ZNF112: variants seen among roughly 807,000 people sequenced by gnomAD.
ZNF112 encodes the protein zinc finger protein 112 (Y14).
Under a neutral mutation model 77.7 loss-of-function variants are expected in ZNF112, and 37 were observed. That is an observed-to-expected ratio of 0.48 (90% CI 0.37 to 0.63). ZNF112 has a LOEUF of 0.63. ZNF112 is among the 20% of genes least tolerant of loss of function. The probability of loss-of-function intolerance (pLI) is 0.00; values close to 1 mark genes in which losing one functional copy is unlikely to be tolerated. For missense variants in ZNF112, 950 were observed against 1,077.4 expected (o/e 0.88, Z 1.66); for synonymous variants, 333 against 363.6 (o/e 0.92, Z 0.96).
rs963314080 is a variant in ZNF112, at chr19:44,340,618, G to C, written c.-3-76C>G. Reference sequence around the variant, plus strand: ...GAGAAGGTGTAAAGGACTGGAAGCTGTTCTGGAGTCTGGGCAACTTGAGTC... The same window carrying C: ...GAGAAGGTGTAAAGGACTGGAAGCTCTTCTGGAGTCTGGGCAACTTGAGTC... On this transcript the variant is annotated intron_variant, in intron 1 of 3. Transcript: ENST00000354340. The C allele has an allele frequency of 3.1e-6, 5 of 1,602,612 alleles. No homozygotes were observed. The African/African-American group carries it at 5.4e-5, about 17-fold the overall frequency.
chr19:44,353,753 T>C (rs987384325), intron 1 of ZNF112, among the ~76,000 whole-genome samples: 4 of 152,258 alleles, frequency 2.6e-5, no homozygotes, highest in South Asian at 2.1e-4. Flanking sequence ...CTGATGAAGA[T>C]GTAAATAAAC....
At chr19:44,337,382 A>ATGTG (rs1474354095) in intron 2 of ZNF112, among the ~76,000 whole-genome samples, 39 of 54,474 alleles carry the variant, frequency 7.2e-4, no homozygotes, top group African/African-American at 3.6e-3. Flanking sequence ...TATTTTATAT[A>ATGTG]TAATAATATA....
chr19:44,337,818 T>C (rs28588242), intron 2 of ZNF112, among the ~76,000 whole-genome samples: 2,324 of 134,090 alleles, frequency 0.017, 66 homozygotes, highest in African/African-American at 0.063. Flanking sequence ...TGTGTGTATA[T>C]GTGTATGTAT....
chr19:44,338,593 C>A (rs1282225457), intron 2 of ZNF112, among the ~76,000 whole-genome samples: 1 of 152,122 alleles, frequency 6.6e-6, no homozygotes, highest in Non-Finnish European at 1.5e-5. Context: ...TTTGTGGAAT[C>A]ATTAGGAATG....
intron 2 of ZNF112, among the ~76,000 whole-genome samples, chr19:44,338,417 G>T (rs949445481): frequency 5.3e-5 from 8 of 152,150 alleles, no homozygotes; most frequent in Non-Finnish European, 8.8e-5. Flanking sequence ...GGGGAAAAAA[G>T]CAGTAATTAT....
chr19:44,329,348 T>G lies in ZNF112; in HGVS notation c.809A>C (p.His270Pro), dbSNP rs150598457. 1.5e-5 allele frequency: 25 copies of G among 1,613,736 alleles called. No individual in the cohort carries two copies. In the African/African-American group the frequency reaches 3.2e-4, roughly 21 times the overall value. Residue 270 changes from histidine to proline, a missense_variant, in exon 4 of 4, where the codon CAT (histidine) becomes CCT (proline). By Grantham distance (77) the His-to-Pro change is moderately conservative. Transcript: ENST00000354340. ...CTTCCCTTCCAAGTGGAACTGCTGA[T>G]GAACCTCAGAGCTGGAGTCATTACT... ...AFSNDSSSEVHQQFHLEGKPY... is the reference protein window; with the variant it reads ...AFSNDSSSEVPQQFHLEGKPY...
intron 3 of ZNF112, among the ~76,000 whole-genome samples, chr19:44,331,539 T>C (rs1970270525): frequency 6.6e-6 from 1 of 152,190 alleles, no homozygotes. Flanking sequence ...TAGAAGTAGA[T>C]TAAGTCTCTA....
chr19:44,363,789 T>G (rs544436412), intron 1 of ZNF112, among the ~76,000 whole-genome samples: 2 of 152,366 alleles, frequency 1.3e-5, no homozygotes, highest in Non-Finnish European at 1.5e-5. Flanking sequence ...TGATTAGAAT[T>G]GCTTGATGTG....
chr19:44,347,485 ATTTT>A (rs757226424), intron 1 of ZNF112, among the ~76,000 whole-genome samples: 2 of 40,320 alleles, frequency 5.0e-5, no homozygotes, highest in Non-Finnish European at 1.2e-4. Flanking sequence ...TTTTGGGTTG[ATTTT>A]TTTTTTTTTT....
At chr19:44,338,370 T>C (rs1970427210) in intron 2 of ZNF112, among the ~76,000 whole-genome samples, 1 of 152,170 alleles carries the variant, frequency 6.6e-6, no homozygotes, top group African/African-American at 2.4e-5. Flanking sequence ...GTGCTTAATC[T>C]ACAGGAAAAT....
In ZNF112 at chr19:44,329,362, G is replaced by A. The variant is rs757951111; in HGVS notation, c.795C>T (p.Ser265=). ...TGYRKAFSND[S]SSEVHQQFHL... ...GGAACTGCTGATGAACCTCAGAGCT[G>A]GAGTCATTACTGAAGGCTTTTCTAT... is the stretch of plus-strand genomic sequence containing the variant. The change falls in exon 4 of 4, where the codon TCC becomes TCT. Residue 265 remains serine (S), a synonymous_variant. Transcript: ENST00000354340. 1.1e-5 allele frequency: 18 copies of A among 1,613,670 alleles called. No homozygotes were observed. Among genetic ancestry groups the A allele is most frequent in the Non-Finnish European group, 1.4e-5 (17 of 1,179,796 alleles).
rs1970413091 is a variant in ZNF112 at position 44,337,841 on chromosome 19, ACACACACACACAC to A, written c.125-1136_125-1124del. Among the ~76,000 whole-genome samples, 17 of 135,500 alleles carry A rather than the reference ACACACACACACAC, an allele frequency of 1.3e-4. 1 individual carries two copies. In the South Asian group the frequency reaches 2.1e-3, roughly 17 times the overall value. 88.9% of individuals were successfully genotyped at this position (135,500 alleles called of 152,430 possible). ...TATGTGTATGTATATACATACACATACACACACACACACACACACACACACACACACACACACC... is the reference window on the plus strand; with the variant it reads ...TATGTGTATGTATATACATACACATAACACACACACACACACACACACACC... On this transcript the variant is annotated intron_variant, in intron 2 of 3. Transcript: ENST00000354340.
At chr19:44,350,083 T>G (rs943758934) in intron 1 of ZNF112, among the ~76,000 whole-genome samples, 2 of 152,064 alleles carry the variant, frequency 1.3e-5, no homozygotes, top group Admixed American at 6.6e-5. Context: ...GGCAGTACAA[T>G]CTGCTAAGAA....
In ZNF112 at chr19:44,338,735, G is replaced by T. The variant is rs543835344; in HGVS notation, c.124+1681C>A. On this transcript the variant is annotated intron_variant, in intron 2 of 3. Coordinates refer to ENST00000354340, the MANE Select transcript of ZNF112 (RefSeq NM_013380.4). The stretch of plus-strand genomic sequence containing the variant: ...GACAGAACAACTATACTAGACTCTA[G>T]ATCCTGTTCTGGAGGGAGAAAAATA... Among the ~76,000 whole-genome samples the T allele has an allele frequency of 4.6e-5, 7 of 152,328 alleles. No homozygotes were observed. The South Asian group carries it at 1.4e-3, about 32-fold the overall frequency.
intron 1 of ZNF112, among the ~76,000 whole-genome samples, chr19:44,355,492 G>GA (rs1970770350): frequency 1.3e-5 from 2 of 152,102 alleles, no homozygotes; most frequent in African/African-American, 4.8e-5. Flanking sequence ...CGGTCCTCTA[G>GA]TAAAATCCAA....
In ZNF112 at chr19:44,329,754, C is replaced by T. The variant is rs780212182; in HGVS notation, c.403G>A (p.Gly135Ser). 18 of 1,613,868 alleles carry T rather than the reference C, an allele frequency of 1.1e-5. No individual in the cohort carries two copies. Among genetic ancestry groups the T allele is most frequent in the East Asian group, 2.2e-5 (1 of 44,882 alleles). Residue 135 changes from glycine to serine, a missense_variant, in exon 4 of 4, where the codon GGC becomes AGC. Physicochemically the swap from Gly to Ser is moderately conservative, Grantham distance 56. Around this residue, in one of 3 missense-constraint regions of ZNF112, gnomAD observed 560 missense variants for 557.3 expected, o/e 1.00. Coordinates refer to ENST00000354340, the MANE Select transcript of ZNF112 (RefSeq NM_013380.4). ...ACTGGTATTCCTGCCCAAACCTGGC[C>T]GAGGGAATTACCTTGTTCTTGCAAC... Reference protein sequence around the residue: ...SQLQEQGNSLGQVWAGIPVQI... With the variant: ...SQLQEQGNSLSQVWAGIPVQI...
chr19:44,331,443 G>C (rs1270443590), intron 3 of ZNF112, among the ~76,000 whole-genome samples: 1 of 152,164 alleles, frequency 6.6e-6, no homozygotes, highest in African/African-American at 2.4e-5. Context: ...GCAGACAGCA[G>C]ATCTTCATAT....
At chr19:44,363,643 A>G (rs1327491431) in intron 1 of ZNF112, among the ~76,000 whole-genome samples, 2 of 152,212 alleles carry the variant, frequency 1.3e-5, no homozygotes, top group Non-Finnish European at 2.9e-5. Context: ...GTGATGTTCT[A>G]TTGTATGAAT....
intron 1 of ZNF112, among the ~76,000 whole-genome samples, chr19:44,347,484 GA>G (rs1970612835): frequency 5.8e-5 from 2 of 34,734 alleles, no homozygotes; most frequent in African/African-American, 1.0e-4. Flanking sequence ...CTTTTGGGTT[GA>G]TTTTTTTTTT....
Sources: gnomAD v4.1 joint callset for allele counts (sites outside exome capture counted in the v4.1 genomes callset) on GRCh38, gnomAD v4.1.1 for gene constraint, gnomAD v4.1.1 regional missense constraint, MANE v1.5 for transcripts, NCBI Gene and HGNC (gene_info 2026-07-23, HGNC 2026-07-21) for gene names.